Variants in LRRC7 observed in about 807,000 individuals in gnomAD.
LRRC7 encodes leucine-rich repeat-containing protein 7.
A neutral mutation model predicts 175.7 loss-of-function variants in LRRC7; 23 were observed. The ratio of observed to expected loss-of-function variants is 0.13; its 90% CI spans 0.09 to 0.19. The LOEUF (loss-of-function observed/expected upper bound fraction) is 0.19, where lower values mean the gene tolerates loss of function less well. Among genes scored for constraint, LRRC7 ranks in the 10% least tolerant of loss-of-function variants. The pLI, the probability that LRRC7 is intolerant of heterozygous loss-of-function variation, is 1.00. For missense variants in LRRC7, 1,354 were observed against 1,904.7 expected, an observed-to-expected ratio of 0.71 and a Z score of 5.38; for synonymous variants, 685 against 680.9, an observed-to-expected ratio of 1.01 and a Z score of -0.09.
intron 7 of LRRC7, among the ~76,000 whole-genome samples, chr1:69,899,209 G>C (rs1280637786): frequency 6.6e-6 from 1 of 152,142 alleles, no homozygotes; most frequent in East Asian, 1.9e-4. Context: ...AAGTTGTCTT[G>C]TTTTTATTTT....
chr1:69,780,387 T>C (rs2101017950), intron 3 of LRRC7, among the ~76,000 whole-genome samples: 1 of 152,312 alleles, frequency 6.6e-6, no homozygotes, highest in Non-Finnish European at 1.5e-5. Context: ...GGGGATTCTT[T>C]GTTATTCATC....
chr1:69,626,402 A>T (rs1287507784), intron 1 of LRRC7, among the ~76,000 whole-genome samples: 2 of 151,820 alleles, frequency 1.3e-5, no homozygotes, highest in East Asian at 3.9e-4. Flanking sequence ...AAAAAAAAAA[A>T]AATCCAGATT....
intron 8 of LRRC7, among the ~76,000 whole-genome samples, chr1:69,938,196 G>A (rs1284897483): frequency 6.6e-6 from 1 of 152,044 alleles, no homozygotes; most frequent in Non-Finnish European, 1.5e-5. Flanking sequence ...CAGGAAATAA[G>A]TAGTGTCATT....
intron 1 of LRRC7, among the ~76,000 whole-genome samples, chr1:69,623,113 G>A (rs1383060574): frequency 6.6e-6 from 1 of 152,164 alleles, no homozygotes; most frequent in Non-Finnish European, 1.5e-5. Context: ...CCTAAGTTCT[G>A]ATCCTATCTG....
At chr1:70,093,169 A>G (rs888474728) in intron 25 of LRRC7, among the ~76,000 whole-genome samples, 3 of 152,178 alleles carry the variant, frequency 2.0e-5, no homozygotes, top group African/African-American at 7.2e-5. Flanking sequence ...GTTTCATTAC[A>G]ATAAAGAAAC....
intron 26 of LRRC7, among the ~76,000 whole-genome samples, chr1:70,111,691 T>C (rs959822116): frequency 1.3e-4 from 20 of 152,122 alleles, no homozygotes; most frequent in African/African-American, 4.8e-4. Flanking sequence ...AAAAGATGAA[T>C]AGACTGGAAA....
intron 7 of LRRC7, among the ~76,000 whole-genome samples, chr1:69,911,586 C>A (rs958843641): frequency 2.0e-4 from 30 of 152,176 alleles, no homozygotes; most frequent in African/African-American, 7.2e-4. Context: ...TCCTCACAAT[C>A]TCCTCCAGCA....
intron 18 of LRRC7, chr1:70,031,063 A>G (rs1415393130): frequency 6.6e-6 from 1 of 152,198 alleles, no homozygotes; most frequent in African/African-American, 2.4e-5. Flanking sequence ...CACTCTGATC[A>G]GTTGGACCCT....
chr1:69,923,692 C>A (rs1417401210), intron 7 of LRRC7, among the ~76,000 whole-genome samples: 3 of 151,986 alleles, frequency 2.0e-5, no homozygotes, highest in African/African-American at 7.2e-5. Flanking sequence ...ATTGTAGATT[C>A]TGGATATTAG....
rs372196803 is a variant in LRRC7 at position 69,942,745 on chromosome 1, C to T, written c.711+11175C>T. On this transcript the variant is annotated intron_variant, in intron 8 of 26. Transcript: ENST00000651989. ...GCCCCCTCAGATAATCCAGGATAAT[C>T]TCTCCATCTCAAGATCCCTAAATTA... 6.6e-5 allele frequency among the ~76,000 whole-genome samples: 10 copies of T among 152,186 alleles called. No homozygotes were observed. The East Asian group carries it at 7.7e-4, about 12-fold the overall frequency.
At chr1:69,819,575 CTCTGTGTGTGTGTG>C (rs1290317047) in intron 4 of LRRC7, among the ~76,000 whole-genome samples, 9 of 133,254 alleles carry the variant, frequency 6.8e-5, no homozygotes, top group African/African-American at 1.6e-4. Flanking sequence ...CTCTCTCTCT[CTCTGTGTGTGTGTG>C]TGTGTGTGTG....
chr1:69,834,698 T>C (rs1300962458), intron 5 of LRRC7, 82 bp from the exon 6 acceptor site: 5 of 1,000,240 alleles, frequency 5.0e-6, no homozygotes, highest in Non-Finnish European at 6.2e-6. Context: ...TTTCTATTTT[T>C]TCTCCTCAGA....
intron 1 of LRRC7, among the ~76,000 whole-genome samples, chr1:69,591,661 T>C (rs931807162): frequency 1.3e-5 from 2 of 152,072 alleles, no homozygotes; most frequent in Non-Finnish European, 2.9e-5. Flanking sequence ...TTTTCTATAT[T>C]ATCTGGAAAT....
At chr1:69,643,269 A>G (rs1021941554) in intron 1 of LRRC7, among the ~76,000 whole-genome samples, 2 of 152,120 alleles carry the variant, frequency 1.3e-5, no homozygotes, top group African/African-American at 4.8e-5. Context: ...TAATCTTTTC[A>G]GGAAATACCC....
chr1:69,610,686 A>G (rs1451857808), intron 1 of LRRC7, among the ~76,000 whole-genome samples: 1 of 152,044 alleles, frequency 6.6e-6, no homozygotes, highest in Non-Finnish European at 1.5e-5. Flanking sequence ...GGACATTTTT[A>G]AGAGAGAGCA....
At chr1:69,989,615 T>C (rs1013442081) in intron 10 of LRRC7, among the ~76,000 whole-genome samples, 2 of 151,870 alleles carry the variant, frequency 1.3e-5, no homozygotes, top group African/African-American at 4.8e-5. Context: ...GAGAATAGAA[T>C]AGAAATTGCA....
At chr1:69,768,045 C>A (rs559583181) in intron 3 of LRRC7, among the ~76,000 whole-genome samples, 19 of 152,218 alleles carry the variant, frequency 1.2e-4, no homozygotes, top group Admixed American at 1.2e-3. Context: ...GGCTTTGTAG[C>A]TGAAACACCG....
At chr1:69,752,398 C>G (rs1002988884) in intron 2 of LRRC7, among the ~76,000 whole-genome samples, 2 of 152,154 alleles carry the variant, frequency 1.3e-5, no homozygotes, top group African/African-American at 4.8e-5. Context: ...TTGTCTCTTT[C>G]TCTTTCCAGG....
At chr1:70,002,002 G>C (rs1170711634) in intron 11 of LRRC7, among the ~76,000 whole-genome samples, 2 of 152,072 alleles carry the variant, frequency 1.3e-5, no homozygotes, top group Non-Finnish European at 2.9e-5. Context: ...TATGTGATGC[G>C]TCTTTATATA....
Sources: allele counts gnomAD v4.1 joint callset (sites outside exome capture counted in the v4.1 genomes callset), GRCh38; gene constraint gnomAD v4.1.1; transcripts MANE v1.5; gene names NCBI Gene and HGNC (gene_info 2026-07-23, HGNC 2026-07-21).